GFOD2: variants seen among roughly 807,000 people sequenced by gnomAD.
GFOD2 encodes the protein Gfo/Idh/MocA-like oxidoreductase domain containing 2.
In GFOD2, 9 loss-of-function variants were observed where a neutral mutation model predicts 24.6. The observed-to-expected ratio is 0.37, with a 90% CI of 0.22 to 0.64. The LOEUF (loss-of-function observed/expected upper bound fraction) is 0.64, where lower values mean the gene tolerates loss of function less well. GFOD2 is among the 30% of genes least tolerant of loss of function. The pLI is 0.65. For missense variants in GFOD2, 476 were observed against 532.5 expected (o/e 0.89, Z 1.04); for synonymous variants, 211 against 224.8 (o/e 0.94, Z 0.55).
Position 67,685,760 on chromosome 16 carries a change from G to A in GFOD2, c.-45C>T. 6.3e-7 allele frequency: 1 copy of A among 1,580,108 alleles called. No individual in the cohort carries two copies. Among genetic ancestry groups the A allele is most frequent in the Non-Finnish European group, 8.6e-7 (1 of 1,165,698 alleles). ...AACTCATCTCCTCACAAGAGCCTCT[G>A]GCATGGATATGATCTTCCAAACGTC... On this transcript the variant is annotated 5_prime_UTR_variant, in exon 2 of 3. The change creates a premature stop within an existing upstream ORF in the 5' untranslated region. Coordinates refer to ENST00000268797, the MANE Select transcript of GFOD2 (RefSeq NM_030819.4).
chr16:67,718,237 TG>T (rs1345855828), intron 1 of GFOD2, among the ~76,000 whole-genome samples: 1 of 152,240 alleles, frequency 6.6e-6, no homozygotes, highest in Non-Finnish European at 1.5e-5. Flanking sequence ...TAGAGGCTTT[TG>T]GGCCCCACAG....
intron 2 of GFOD2, among the ~76,000 whole-genome samples, chr16:67,678,991 G>C (rs1222595855): frequency 6.6e-6 from 1 of 151,900 alleles, no homozygotes; most frequent in Non-Finnish European, 1.5e-5. Context: ...AACATAGCAA[G>C]ACCTAGTATT....
At chr16:67,693,683 A>G (rs1318439392) in intron 1 of GFOD2, among the ~76,000 whole-genome samples, 1 of 152,170 alleles carries the variant, frequency 6.6e-6, no homozygotes. Flanking sequence ...AACCATCACC[A>G]ACATCCACCT....
Position 67,718,683 on chromosome 16 carries a change from G to A in GFOD2, c.-88+480C>T, listed in dbSNP as rs1228436984. Reference sequence around the variant, plus strand: ...TTCTGGGGTGTCCCTTCTTCCACCTGTCAACTGAACACCCGTTTCTTAAAG... The same window carrying A: ...TTCTGGGGTGTCCCTTCTTCCACCTATCAACTGAACACCCGTTTCTTAAAG... On this transcript the variant is annotated intron_variant, in intron 1 of 2. Coordinates refer to ENST00000268797, the MANE Select transcript of GFOD2 (RefSeq NM_030819.4). Among the ~76,000 whole-genome samples, 7 of 152,278 alleles carry A rather than the reference G, an allele frequency of 4.6e-5. No individual in the cohort carries two copies. The East Asian group carries it at 1.2e-3, about 25-fold the overall frequency.
Position 67,675,338 on chromosome 16 carries a change from G to T in GFOD2, c.975C>A (p.Arg325=). The T allele has an allele frequency of 6.2e-7, 1 of 1,613,262 alleles. No homozygotes were observed. Residue 325 remains arginine (R), a synonymous_variant, in exon 3 of 3, where the codon CGC becomes CGA. Coordinates refer to ENST00000268797, the MANE Select transcript of GFOD2 (RefSeq NM_030819.4). ...TGGAGACAGGGGTGCGGTCCCAGGT[G>T]CGGCGGTCGCCCTGCCCCTGGAAGG... The part of the protein sequence containing the change: ...RQSFQGQGDR[R]TWDRTPVSMA...
At position 67,707,302 on chromosome 16, in the gene GFOD2, G is replaced by C. The variant is rs546024790; in HGVS notation, c.-88+11861C>G. 1.3e-4 allele frequency among the ~76,000 whole-genome samples: 19 copies of C among 150,844 alleles called. 1 individual carries two copies. The South Asian group carries it at 4.0e-3, about 32-fold the overall frequency. ...GAACCCAGGAGGCGGAGGTTGCAGG[G>C]AGTGAAGATCGCGCCATTGCACTCC... On this transcript the variant is annotated intron_variant, in intron 1 of 2. Transcript: ENST00000268797.
intron 2 of GFOD2, among the ~76,000 whole-genome samples, chr16:67,679,027 C>T (rs751782147): frequency 2.6e-5 from 4 of 152,038 alleles, no homozygotes; most frequent in Non-Finnish European, 5.9e-5. Context: ...ATAAGCCAGG[C>T]GTGGTGGCGT....
At chr16:67,715,005 A>G (rs1239876226) in intron 1 of GFOD2, among the ~76,000 whole-genome samples, 1 of 152,194 alleles carries the variant, frequency 6.6e-6, no homozygotes, top group East Asian at 1.9e-4. Flanking sequence ...GTTCAAGGGT[A>G]CTAAGTAACA....
Position 67,675,701 on chromosome 16 carries a change from G to C in GFOD2, c.612C>G (p.Phe204Leu), listed in dbSNP as rs768818900. ...AEKVHGLLKT[F>L]VRQNAAIRGI... The stretch of plus-strand genomic sequence containing the variant: ...CACGGATGGCAGCGTTCTGCCTCAC[G>C]AATGTCTTGAGCAGCCCGTGCACCT... Residue 204 changes from phenylalanine to leucine, a missense_variant, in exon 3 of 3, where the codon TTC becomes TTG. Coordinates refer to ENST00000268797, the MANE Select transcript of GFOD2 (RefSeq NM_030819.4). 3 of 1,613,972 alleles carry C rather than the reference G, an allele frequency of 1.9e-6. No individual in the cohort carries two copies. Among genetic ancestry groups the C allele is most frequent in the Admixed American group, 3.3e-5 (2 of 60,034 alleles).
Position 67,675,068 on chromosome 16 carries a change from C to T in GFOD2, c.*87G>A, listed in dbSNP as rs2053172556. The T allele has an allele frequency of 3.5e-6, 5 of 1,417,796 alleles. No homozygotes were observed. In the East Asian group the frequency reaches 9.2e-5, roughly 26 times the overall value. 87.8% of individuals were successfully genotyped at this position (1,417,796 alleles called of 1,614,324 possible). On this transcript the variant is annotated 3_prime_UTR_variant, in exon 3 of 3. Transcript: ENST00000268797. ...AGACTCATTAAATGAAAGACACTGT[C>T]TCTGCTAGGGCCAAGTCCCTGTCAT...
chr16:67,707,436 G>A (rs1315723544), intron 1 of GFOD2, among the ~76,000 whole-genome samples: 1 of 151,754 alleles, frequency 6.6e-6, no homozygotes, highest in Admixed American at 6.6e-5. Flanking sequence ...CATTCTTGGT[G>A]GGAATGTAAA....
intron 1 of GFOD2, among the ~76,000 whole-genome samples, chr16:67,718,612 A>G (rs1325266155): frequency 6.6e-6 from 1 of 152,204 alleles, no homozygotes; most frequent in East Asian, 1.9e-4. Flanking sequence ...AGGGCCATTG[A>G]GACGTGGCCA....
chr16:67,679,413 T>G (rs1567653436), intron 2 of GFOD2, among the ~76,000 whole-genome samples: 1 of 151,734 alleles, frequency 6.6e-6, no homozygotes. Context: ...TTTTTGTATT[T>G]TTAGTAGAGA....
chr16:67,696,535 G>T (rs1345340711), intron 1 of GFOD2, among the ~76,000 whole-genome samples: 1 of 151,708 alleles, frequency 6.6e-6, no homozygotes, highest in Non-Finnish European at 1.5e-5. Context: ...GTGCAGTGGC[G>T]CGCTCTTGGC....
Position 67,675,254 on chromosome 16 carries a change from C to A in GFOD2, c.1059G>T (p.Arg353Ser). 1 of 1,613,262 alleles carries A rather than the reference C, an allele frequency of 6.2e-7. No homozygotes were observed. The highest frequency in any genetic ancestry group is 8.5e-7 in the Non-Finnish European group (1 of 1,180,028). Residue 353 changes from arginine to serine, a missense_variant, in exon 3 of 3, where the codon AGG becomes AGT. Arg to Ser is a moderately radical substitution (Grantham distance 110). Coordinates refer to ENST00000268797, the MANE Select transcript of GFOD2 (RefSeq NM_030819.4). ...YMQSVVDAIK[R>S]SSRSGEWEAV... ...CCTCCCACTCCCCGGATCGGCTCGA[C>A]CTCTTGATGGCATCCACCACGCTCT...
chr16:67,678,115 A>G (rs56071820), intron 2 of GFOD2, among the ~76,000 whole-genome samples: 44,982 of 152,232 alleles, frequency 0.3, 10,139 homozygotes, highest in African/African-American at 0.63. Context: ...GGGCCAGCTT[A>G]CAGCAGAAAC....
chr16:67,682,961 A>C (rs2053239374), intron 2 of GFOD2: 1 of 449,202 alleles, frequency 2.2e-6, no homozygotes, highest in Non-Finnish European at 2.9e-6. Context: ...CTGAGAATTT[A>C]GATTTCTTTT....
intron 2 of GFOD2, 78 bp downstream of exon 2, chr16:67,685,379 A>G (rs368700945): frequency 1.1e-5 from 17 of 1,594,912 alleles, no homozygotes; most frequent in East Asian, 6.7e-5. Context: ...AGGAGAGCTC[A>G]GAGGAGAGGA....
At chr16:67,680,155 C>CA (rs1271420349) in intron 2 of GFOD2, among the ~76,000 whole-genome samples, 2 of 152,210 alleles carry the variant, frequency 1.3e-5, no homozygotes, top group African/African-American at 4.8e-5. Context: ...CTTGGCCTCC[C>CA]AAAGTGCCAG....
Sources: gnomAD v4.1 joint callset for allele counts (sites outside exome capture counted in the v4.1 genomes callset) on GRCh38, gnomAD v4.1.1 for gene constraint, MANE v1.5 for transcripts, NCBI Gene and HGNC (gene_info 2026-07-23, HGNC 2026-07-21) for gene names.